Variants in PPP5C observed in about 807,000 individuals in gnomAD.
PPP5C encodes the protein protein phosphatase 5 catalytic subunit, also known as serine/threonine-protein phosphatase 5.
PPP5C carries 21 observed loss-of-function variants against 66.7 expected under a neutral mutation model. The ratio of observed to expected loss-of-function variants is 0.31; its 90% confidence interval spans 0.22 to 0.45. PPP5C has a LOEUF of 0.45. Among genes scored for constraint, PPP5C ranks in the 20% least tolerant of loss-of-function variants. The pLI is 1.00. For synonymous variants in PPP5C, 246 were observed against 257.4 expected, an observed-to-expected ratio of 0.96 and a Z score of 0.43; for missense variants, 464 against 675.9, an observed-to-expected ratio of 0.69 and a Z score of 3.48.
intron 2 of PPP5C, among the ~76,000 whole-genome samples, chr19:46,373,264 T>C (rs1972627432): frequency 6.6e-6 from 1 of 152,174 alleles, no homozygotes; most frequent in Non-Finnish European, 1.5e-5. Context: ...CCAGCGTGCA[T>C]AGCGGAAATC....
Position 46,390,265 on chromosome 19 carries a change from A to C in PPP5C, c.1438-19A>C, listed in dbSNP as rs1273620440. 3 of 1,592,982 alleles carry C rather than the reference A, an allele frequency of 1.9e-6. No homozygotes were observed. The stretch of plus-strand genomic sequence containing the variant: ...CTCTGTTCTGACTTCTGTCCATCCC[A>C]CCTGCCCTGGTCCCACAGCCTCATC... On this transcript the variant is annotated intron_variant, in intron 12 of 12. Coordinates refer to ENST00000012443, the MANE Select transcript of PPP5C (RefSeq NM_006247.4).
At position 46,387,248 on chromosome 19, in the gene PPP5C, C is replaced by T. The variant is rs73942403; in HGVS notation, c.1047+13C>T. ...CGGCAAAGTGCTGGTGAGGACGGCG[C>T]GAGCCCTGAGTGTGGGTTCCCCACC... On this transcript the variant is annotated intron_variant, in intron 8 of 12. Transcript: ENST00000012443. 1,223 of 1,614,064 alleles carry T rather than the reference C, an allele frequency of 7.6e-4. 6 individuals are homozygous for T. The African/African-American group carries it at 0.014, about 18-fold the overall frequency.
chr19:46,367,045 T>C (rs2239380), intron 2 of PPP5C, among the ~76,000 whole-genome samples: 21,308 of 152,242 alleles, frequency 0.14, 2,078 homozygotes, highest in East Asian at 0.39. Flanking sequence ...TCCATTCAGA[T>C]AGGGTGTGGT....
intron 2 of PPP5C, among the ~76,000 whole-genome samples, chr19:46,356,149 G>T (rs1972282596): frequency 6.6e-6 from 1 of 152,222 alleles, no homozygotes. Context: ...GGATGGCAGG[G>T]AGGGTTGAGG....
At position 46,384,926 on chromosome 19, in the gene PPP5C, C is replaced by G. The variant is rs1972856566; in HGVS notation, c.904+17C>G. The stretch of plus-strand genomic sequence containing the variant: ...TCCTTCGAGGTGAGCTGGGAAGTGA[C>G]AAGGTTTGGGTTCATTGTGGGGTCC... On this transcript the variant is annotated intron_variant, in intron 7 of 12. Coordinates refer to ENST00000012443, the MANE Select transcript of PPP5C (RefSeq NM_006247.4). 1 of 1,596,718 alleles carries G rather than the reference C, an allele frequency of 6.3e-7. No homozygotes were observed. The highest frequency in any genetic ancestry group is 8.6e-7 in the Non-Finnish European group (1 of 1,164,348).
intron 2 of PPP5C, among the ~76,000 whole-genome samples, chr19:46,358,570 T>A (rs1429188765): frequency 6.6e-6 from 1 of 152,250 alleles, no homozygotes; most frequent in East Asian, 1.9e-4. Flanking sequence ...TTATACCTGT[T>A]GTCCTAAAGG....
chr19:46,360,648 G>A (rs1439426649), intron 2 of PPP5C, among the ~76,000 whole-genome samples: 1 of 152,052 alleles, frequency 6.6e-6, no homozygotes, highest in Non-Finnish European at 1.5e-5. Flanking sequence ...TTACAGGCAT[G>A]TGCCACCACA....
In PPP5C at chr19:46,383,042, C is replaced by T; in HGVS notation, c.634-369C>T. The T allele has an allele frequency of 1.9e-6, 2 of 1,078,426 alleles. No individual in the cohort carries two copies. The highest frequency in any genetic ancestry group is 2.4e-6 in the Non-Finnish European group (2 of 848,040). The allele number at this position is 1,078,426 out of a possible 1,614,324, so 66.8% of individuals were successfully genotyped here. Reference sequence around the variant, plus strand: ...TCTTTTTACCTAGAAAGTCTCACTTCTTTTTTGGGAGACTCTTTTATGACA... The same window carrying T: ...TCTTTTTACCTAGAAAGTCTCACTTTTTTTTTGGGAGACTCTTTTATGACA... On this transcript the variant is annotated intron_variant, in intron 4 of 12. Coordinates refer to ENST00000012443, the MANE Select transcript of PPP5C (RefSeq NM_006247.4). The surrounding 1 kb of genome is among the most constrained non-coding windows in gnomAD (Gnocchi z 5.0).
At chr19:46,368,807 A>T (rs139795686) in intron 2 of PPP5C, among the ~76,000 whole-genome samples, 87 of 152,268 alleles carry the variant, frequency 5.7e-4, no homozygotes, top group African/African-American at 2.0e-3. Context: ...GTGAGAACAT[A>T]GAGTGTTTTA....
intron 2 of PPP5C, among the ~76,000 whole-genome samples, chr19:46,375,060 G>C (rs1194368881): frequency 6.6e-6 from 1 of 152,196 alleles, no homozygotes; most frequent in East Asian, 1.9e-4. Context: ...TGCATGCCGG[G>C]CCCCCTGTGT....
intron 2 of PPP5C, among the ~76,000 whole-genome samples, chr19:46,364,433 C>G (rs1258012184): frequency 6.6e-6 from 1 of 152,248 alleles, no homozygotes; most frequent in South Asian, 2.1e-4. Flanking sequence ...GGCAAGACCT[C>G]TTCTCTAGTC....
At position 46,388,293 on chromosome 19, in the gene PPP5C, C is replaced by A; in HGVS notation, c.1136-115C>A. 1 of 1,171,048 alleles carries A rather than the reference C, an allele frequency of 8.5e-7. No individual in the cohort carries two copies. Among genetic ancestry groups the A allele is most frequent in the Non-Finnish European group, 1.2e-6 (1 of 843,428 alleles). 72.5% of individuals were successfully genotyped at this position (1,171,048 alleles called of 1,614,324 possible). On this transcript the variant is annotated intron_variant, in intron 9 of 12. Transcript: ENST00000012443. The surrounding 1 kb of genome is among the most constrained non-coding windows in gnomAD (Gnocchi z 4.9). ...TCCATGCTGGATGTCCCCTGCCCAACACCCACCCAGGCTGGGCTGTGGGGT... is the reference window on the plus strand; with the variant it reads ...TCCATGCTGGATGTCCCCTGCCCAAAACCCACCCAGGCTGGGCTGTGGGGT...
chr19:46,350,840 G>A (rs1397002282), intron 1 of PPP5C, among the ~76,000 whole-genome samples: 1 of 152,124 alleles, frequency 6.6e-6, no homozygotes, highest in Non-Finnish European at 1.5e-5. Context: ...CCCACGTTCA[G>A]GTTCCTCCCA....
intron 1 of PPP5C, among the ~76,000 whole-genome samples, chr19:46,352,768 G>T (rs562216831): frequency 2.0e-5 from 3 of 150,786 alleles, no homozygotes; most frequent in African/African-American, 7.3e-5. Flanking sequence ...TGCAGTGAGC[G>T]GAGATCGCAC....
chr19:46,355,927 G>T (rs945367571), intron 2 of PPP5C, among the ~76,000 whole-genome samples: 1 of 152,108 alleles, frequency 6.6e-6, no homozygotes, highest in African/African-American at 2.4e-5. Flanking sequence ...CTTTCCCCAG[G>T]GTAAGGAGCA....
At chr19:46,355,959 G>A (rs773912868) in intron 2 of PPP5C, among the ~76,000 whole-genome samples, 5 of 152,016 alleles carry the variant, frequency 3.3e-5, no homozygotes, top group Admixed American at 6.6e-5. Flanking sequence ...CAGGGTCTTC[G>A]TCAAGTGTGG....
At chr19:46,385,945 T>C (rs1972876671) in intron 7 of PPP5C, among the ~76,000 whole-genome samples, 1 of 99,526 alleles carries the variant, frequency 1.0e-5, no homozygotes, top group South Asian at 3.8e-4. Context: ...CCCTGTCTCT[T>C]TGAAAAAAAA....
At chr19:46,360,884 T>C (rs1305191828) in intron 2 of PPP5C, among the ~76,000 whole-genome samples, 2 of 152,186 alleles carry the variant, frequency 1.3e-5, no homozygotes, top group Non-Finnish European at 2.9e-5. Flanking sequence ...TGAAATAATA[T>C]AGTCATTCAT....
At chr19:46,369,436 T>G (rs1408724641) in intron 2 of PPP5C, among the ~76,000 whole-genome samples, 17 of 141,638 alleles carry the variant, frequency 1.2e-4, no homozygotes, top group Middle Eastern at 4.6e-3. Flanking sequence ...ATCAAGACCA[T>G]CCTGGCCAAC....
Sources: gnomAD v4.1 joint callset for allele counts (sites outside exome capture counted in the v4.1 genomes callset) on GRCh38, gnomAD v4.1.1 for gene constraint, Gnocchi (gnomAD v3.1) non-coding constraint, MANE v1.5 for transcripts, NCBI Gene and HGNC (gene_info 2026-07-23, HGNC 2026-07-21) for gene names.